The following SUFU variants were observed in gnomAD, a reference collection of about 807,000 sequenced individuals.
SUFU encodes the protein SUFU negative regulator of hedgehog signaling.
Under a neutral mutation model 58.9 loss-of-function variants are expected in SUFU, and 7 were observed. The ratio of observed to expected loss-of-function variants is 0.12; its 90% CI spans 0.07 to 0.22. The LOEUF (loss-of-function observed/expected upper bound fraction) is 0.22, where lower values mean the gene tolerates loss of function less well. Among genes scored for constraint, SUFU ranks in the 10% least tolerant of loss-of-function variants. The pLI is 1.00. For missense variants in SUFU, 451 were observed against 641.3 expected (o/e 0.70, Z 3.20); for synonymous variants, 232 against 254.8 (o/e 0.91, Z 0.85).
At chr10:102,532,733 AGT>A (rs1491396206) in intron 2 of SUFU, among the ~76,000 whole-genome samples, 1 of 152,200 alleles carries the variant, frequency 6.6e-6, no homozygotes, top group Non-Finnish European at 1.5e-5. Flanking sequence ...GGGAGTCATC[AGT>A]GTGTCCACAG....
chr10:102,519,929 G>A (rs898314965), intron 2 of SUFU, among the ~76,000 whole-genome samples: 3 of 149,808 alleles, frequency 2.0e-5, no homozygotes, highest in African/African-American at 7.4e-5. Context: ...CCACCACCAC[G>A]CCCAGCTAAT....
chr10:102,616,582 G>A (rs1190633026), intron 9 of SUFU, among the ~76,000 whole-genome samples: 1 of 152,264 alleles, frequency 6.6e-6, no homozygotes, highest in Non-Finnish European at 1.5e-5. Flanking sequence ...GAGGCAGCCT[G>A]AGAAGGCAGA....
intron 3 of SUFU, among the ~76,000 whole-genome samples, chr10:102,587,709 G>T (rs1225703254): frequency 6.6e-6 from 1 of 152,098 alleles, no homozygotes; most frequent in Admixed American, 6.5e-5. Context: ...GGCCAGGCTG[G>T]TCTTGAACTC....
intron 3 of SUFU, among the ~76,000 whole-genome samples, chr10:102,554,661 C>T (rs2062955011): frequency 6.6e-6 from 1 of 152,216 alleles, no homozygotes; most frequent in South Asian, 2.1e-4. Flanking sequence ...TTAAGTAGCT[C>T]CGCATCCCCA....
intron 8 of SUFU, among the ~76,000 whole-genome samples, chr10:102,614,353 T>C (rs1348381681): frequency 4.7e-4 from 66 of 140,608 alleles, no homozygotes; most frequent in Middle Eastern, 4.9e-3. Context: ...GTCAGGAGTT[T>C]GAAACCAGCC....
At chr10:102,591,987 C>A (rs2063407314) in intron 3 of SUFU, among the ~76,000 whole-genome samples, 1 of 152,164 alleles carries the variant, frequency 6.6e-6, no homozygotes, top group African/African-American at 2.4e-5. Flanking sequence ...TTGTCTCTGC[C>A]ACGGTGTGGG....
intron 2 of SUFU, among the ~76,000 whole-genome samples, chr10:102,517,123 CAA>C (rs758425846): frequency 5.7e-5 from 7 of 121,818 alleles, no homozygotes; most frequent in Non-Finnish European, 5.3e-5. Flanking sequence ...AACTCCATCT[CAA>C]AAAAAAAAAA....
At position 102,535,932 on chromosome 10, in the gene SUFU, A is replaced by G. The variant is rs986953679; in HGVS notation, c.318-14038A>G. Among the ~76,000 whole-genome samples the G allele has an allele frequency of 7.9e-5, 5 of 63,634 alleles. No homozygotes were observed. The Admixed American group carries it at 8.4e-4, about 11-fold the overall frequency. 41.7% of individuals were successfully genotyped at this position (63,634 alleles called of 152,430 possible). A position where few individuals can be genotyped will look rare whatever the true frequency, so the allele number is the denominator to read the frequency against. ...GTGGGGTTTATAGTCTAGGCTGGAGATGATGATGATGATGATGATGATGAT... is the reference window on the plus strand; with the variant it reads ...GTGGGGTTTATAGTCTAGGCTGGAGGTGATGATGATGATGATGATGATGAT... On this transcript the variant is annotated intron_variant, in intron 2 of 11. Coordinates refer to ENST00000369902, the MANE Select transcript of SUFU (RefSeq NM_016169.4).
At chr10:102,526,046 A>C (rs1045903724) in intron 2 of SUFU, among the ~76,000 whole-genome samples, 1 of 149,466 alleles carries the variant, frequency 6.7e-6, no homozygotes, top group Non-Finnish European at 1.5e-5. Context: ...GTTCTGGGCT[A>C]TTATGCACTA....
intron 10 of SUFU, among the ~76,000 whole-genome samples, chr10:102,621,727 G>T (rs1405931878): frequency 6.6e-6 from 1 of 152,206 alleles, no homozygotes; most frequent in Non-Finnish European, 1.5e-5. Context: ...AGGAAAGGGA[G>T]GGAAAAGAAA....
intron 10 of SUFU, among the ~76,000 whole-genome samples, chr10:102,620,804 G>T (rs1384978385): frequency 2.0e-5 from 3 of 152,172 alleles, no homozygotes; most frequent in Non-Finnish European, 4.4e-5. Flanking sequence ...CTGAGCGGGA[G>T]CCCGGCCCAG....
chr10:102,627,320 C>T (rs2063795140), intron 11 of SUFU, 77 bp downstream of exon 11: 2 of 1,318,860 alleles, frequency 1.5e-6, no homozygotes, highest in Non-Finnish European at 2.2e-6. Flanking sequence ...CACGTCTGTG[C>T]ATGCATGTGT....
chr10:102,614,879 TAA>T (rs201612268), intron 8 of SUFU, among the ~76,000 whole-genome samples: 26 of 137,214 alleles, frequency 1.9e-4, no homozygotes, highest in South Asian at 4.7e-4. Context: ...CCATCTCAAT[TAA>T]AAAAAAAAAA....
Position 102,619,334 on chromosome 10 carries a change from C to A in SUFU, c.1296+1906C>A. The A allele has an allele frequency of 7.0e-7, 1 of 1,427,202 alleles. No individual in the cohort carries two copies. The highest frequency in any genetic ancestry group is 9.1e-7 in the Non-Finnish European group (1 of 1,093,836). 88.4% of individuals were successfully genotyped at this position (1,427,202 alleles called of 1,614,324 possible). A position where few individuals can be genotyped will look rare whatever the true frequency, so the allele number is the denominator to read the frequency against. On this transcript the variant is annotated intron_variant, in intron 10 of 11. Transcript: ENST00000369902. The surrounding 1 kb of genome is among the most constrained non-coding windows in gnomAD (Gnocchi z 4.2). ...GGCAGCCCCTCAGCGAGCCTGAGGC[C>A]CAGCACCCGCTGGCTCCCCAGCACA...
At chr10:102,615,213 C>T in intron 8 of SUFU, 55 bp from the exon 9 acceptor site, 1 of 1,613,288 alleles carries the variant, frequency 6.2e-7, no homozygotes, top group South Asian at 1.1e-5. Flanking sequence ...TCCCATCTTG[C>T]TCCTCCCTGA....
At chr10:102,574,981 G>A (rs201881449) in intron 3 of SUFU, among the ~76,000 whole-genome samples, 1 of 152,016 alleles carries the variant, frequency 6.6e-6, no homozygotes, top group Admixed American at 6.6e-5. Context: ...ACTTGAACCC[G>A]GGAGGCGGAG....
intron 1 of SUFU, among the ~76,000 whole-genome samples, chr10:102,507,710 G>T (rs1453066293): frequency 6.6e-6 from 1 of 152,250 alleles, no homozygotes; most frequent in Non-Finnish European, 1.5e-5. Flanking sequence ...TAAATTGCCT[G>T]GTGCTGGCAC....
intron 2 of SUFU, among the ~76,000 whole-genome samples, chr10:102,519,175 A>G (rs2062515001): frequency 6.7e-6 from 1 of 149,894 alleles, no homozygotes; most frequent in African/African-American, 2.4e-5. Context: ...CTTCAGGGCA[A>G]TGGCAGGAGG....
chr10:102,519,724 A>AT (rs1336257482), intron 2 of SUFU, among the ~76,000 whole-genome samples: 1 of 152,106 alleles, frequency 6.6e-6, no homozygotes, highest in Non-Finnish European at 1.5e-5. Context: ...GTCATTTAAA[A>AT]TTTTTTAAAT....
Sources: allele counts gnomAD v4.1 joint callset (sites outside exome capture counted in the v4.1 genomes callset), GRCh38; gene constraint gnomAD v4.1.1; non-coding constraint Gnocchi (gnomAD v3.1); transcripts MANE v1.5; gene names NCBI Gene and HGNC (gene_info 2026-07-23, HGNC 2026-07-21).